The following SH3BP5 variants were observed in gnomAD, a reference collection of about 807,000 sequenced individuals.
SH3BP5 encodes the protein SH3 domain-binding protein 5.
Under a neutral mutation model 43.3 loss-of-function variants are expected in SH3BP5, and 22 were observed. That is an observed-to-expected ratio of 0.51 (90% confidence interval 0.36 to 0.73). The LOEUF (loss-of-function observed/expected upper bound fraction) is 0.73. Among genes scored for constraint, SH3BP5 ranks in the 30% least tolerant of loss-of-function variants. The probability of loss-of-function intolerance (pLI) is 0.00; values close to 1 mark genes in which losing one functional copy is unlikely to be tolerated. For missense variants in SH3BP5, 529 were observed against 586.9 expected (o/e 0.90, Z 1.02); for synonymous variants, 255 against 225.8 (o/e 1.13, Z -1.16).
At chr3:15,329,152 A>G (rs1379623523) in intron 2 of SH3BP5, among the ~76,000 whole-genome samples, 1 of 112,132 alleles carries the variant, frequency 8.9e-6, no homozygotes, top group African/African-American at 2.9e-5. Flanking sequence ...TCTGTCTCAA[A>G]AAAAAAAAAA....
At chr3:15,300,552 C>G (rs970271075) in intron 3 of SH3BP5, among the ~76,000 whole-genome samples, 2 of 152,042 alleles carry the variant, frequency 1.3e-5, no homozygotes, top group African/African-American at 4.8e-5. Context: ...TTGGCAGCAT[C>G]TGGAAGTGGA....
chr3:15,297,657 G>T (rs1025028930), intron 3 of SH3BP5, among the ~76,000 whole-genome samples: 2 of 152,082 alleles, frequency 1.3e-5, no homozygotes, highest in African/African-American at 4.8e-5. Context: ...GCTTGAAAAG[G>T]GCTCACCCTT....
At position 15,330,585 on chromosome 3, in the gene SH3BP5, AG is replaced by A; in HGVS notation, c.139-20del. The A allele has an allele frequency of 6.3e-7, 1 of 1,577,396 alleles. No homozygotes were observed. Among genetic ancestry groups the A allele is most frequent in the Non-Finnish European group, 8.6e-7 (1 of 1,161,116 alleles). ...GTTCTCCCTGGTGAAGAAAAGAGGG[AG>A]AAAAAAAGACTTAAGGGATCCGTCT... On this transcript the variant is annotated intron_variant, in intron 1 of 8. Transcript: ENST00000383791.
chr3:15,260,648 A>T (rs1279349267), intron 5 of SH3BP5: 1 of 152,212 alleles, frequency 6.6e-6, no homozygotes, highest in African/African-American at 2.4e-5. Flanking sequence ...TGTGACCAAA[A>T]GGAGCACAAG....
Position 15,332,454 on chromosome 3 carries a change from CG to C in SH3BP5, c.-47del. On this transcript the variant is annotated 5_prime_UTR_variant, in exon 1 of 9. Coordinates refer to ENST00000383791, the MANE Select transcript of SH3BP5 (RefSeq NM_004844.5). ...CCGCGCAGTGGGCTCCGGAGCGCCC[CG>C]GGGGTCGCGGCTGCCACAGGCTGGG... 6.8e-7 allele frequency: 1 copy of C among 1,467,032 alleles called. No individual in the cohort carries two copies. The highest frequency in any genetic ancestry group is 1.4e-5 in the South Asian group (1 of 73,740). 90.9% of individuals were successfully genotyped at this position (1,467,032 alleles called of 1,614,324 possible). A position where few individuals can be genotyped will look rare whatever the true frequency, so the allele number is the denominator to read the frequency against.
At chr3:15,283,568 G>A (rs187970797) in intron 3 of SH3BP5, among the ~76,000 whole-genome samples, 112 of 152,246 alleles carry the variant, frequency 7.4e-4, no homozygotes, top group African/African-American at 2.5e-3. Flanking sequence ...CCCAGCAATG[G>A]CCCCAATAGC....
At chr3:15,259,491 C>T (rs535808327) in intron 6 of SH3BP5, 23 of 574,328 alleles carry the variant, frequency 4.0e-5, no homozygotes, top group African/African-American at 3.8e-4. Flanking sequence ...ATCAGGTCTC[C>T]AGGTGATGCT....
chr3:15,316,950 G>A (rs748278497), intron 2 of SH3BP5, among the ~76,000 whole-genome samples: 3 of 152,222 alleles, frequency 2.0e-5, no homozygotes, highest in Admixed American at 6.5e-5. Context: ...CCAAACACAT[G>A]TTCTTAAATC....
intron 3 of SH3BP5, among the ~76,000 whole-genome samples, chr3:15,297,142 C>T (rs2125102603): frequency 6.6e-6 from 1 of 152,294 alleles, no homozygotes; most frequent in East Asian, 1.9e-4. Flanking sequence ...AAACACGATT[C>T]TCCATCCATT....
At chr3:15,304,335 G>T in intron 2 of SH3BP5, 104 bp from the exon 3 acceptor site, 1 of 1,548,976 alleles carries the variant, frequency 6.5e-7, no homozygotes, top group Non-Finnish European at 8.8e-7. Context: ...TTTACCCAAC[G>T]TACAGACCCC....
intron 2 of SH3BP5, among the ~76,000 whole-genome samples, chr3:15,329,355 T>C (rs962231923): frequency 6.6e-6 from 1 of 152,192 alleles, no homozygotes; most frequent in African/African-American, 2.4e-5. Context: ...AGGTTTCAGT[T>C]ACCCCACATC....
At chr3:15,284,893 C>A (rs1697223186) in intron 3 of SH3BP5, among the ~76,000 whole-genome samples, 1 of 152,242 alleles carries the variant, frequency 6.6e-6, no homozygotes, top group Non-Finnish European at 1.5e-5. Flanking sequence ...CCAGCACACA[C>A]TGGACGACCG....
In SH3BP5 at chr3:15,254,439, G is replaced by C. The variant is rs1029283182; in HGVS notation, c.*1647C>G. 6.6e-6 allele frequency: 1 copy of C among 152,200 alleles called. No individual in the cohort carries two copies. Among genetic ancestry groups the C allele is most frequent in the African/African-American group, 2.4e-5 (1 of 41,446 alleles). 9.4% of individuals were successfully genotyped at this position (152,200 alleles called of 1,614,324 possible). On this transcript the variant is annotated 3_prime_UTR_variant, in exon 9 of 9. Coordinates refer to ENST00000383791, the MANE Select transcript of SH3BP5 (RefSeq NM_004844.5). Reference sequence around the variant, plus strand: ...TTTCCACAAAAGAAAGAATCCATCTGATTCTCAACTCTGAATGCACATTTG... The same window carrying C: ...TTTCCACAAAAGAAAGAATCCATCTCATTCTCAACTCTGAATGCACATTTG...
intron 2 of SH3BP5, among the ~76,000 whole-genome samples, chr3:15,318,312 G>A (rs12638270): frequency 0.35 from 52,454 of 151,922 alleles, 9,406 homozygotes; most frequent in Non-Finnish European, 0.4. Flanking sequence ...GACACTTAAC[G>A]AACATCACCA....
intron 2 of SH3BP5, among the ~76,000 whole-genome samples, chr3:15,324,243 G>A (rs1698404578): frequency 6.6e-6 from 1 of 152,196 alleles, no homozygotes; most frequent in Non-Finnish European, 1.5e-5. Context: ...GGGGTCTGCA[G>A]GCCTCAACTC....
At chr3:15,290,693 C>A (rs1013594126) in intron 3 of SH3BP5, among the ~76,000 whole-genome samples, 1 of 151,836 alleles carries the variant, frequency 6.6e-6, no homozygotes, top group Non-Finnish European at 1.5e-5. Context: ...AGCAAGACTC[C>A]GTCTCAAAAA....
chr3:15,256,136 T>C lies in SH3BP5; in HGVS notation c.1318A>G (p.Lys440Glu), dbSNP rs1350566747. 6.2e-7 allele frequency: 1 copy of C among 1,614,236 alleles called. No homozygotes were observed. The highest frequency in any genetic ancestry group is 1.7e-5 in the Admixed American group (1 of 60,030). The change falls in exon 9 of 9, where the codon AAG becomes GAG. Residue 440 changes from lysine to glutamate, a missense_variant. Around this residue, in one of 3 missense-constraint regions of SH3BP5, gnomAD observed 369 missense variants for 384.3 expected, o/e 0.96. Coordinates refer to ENST00000383791, the MANE Select transcript of SH3BP5 (RefSeq NM_004844.5). ...RMKQLSLQCS[K>E]GRDGIIADIK... ...TCAGCAATAATTCCATCTCTTCCCT[T>C]TGAGCACTGTAGGGAGAGCTGCTTC...
At chr3:15,332,737 C>G (rs1297058906), upstream of SH3BP5, 11 of 866,428 alleles carry the variant, frequency 1.3e-5, no homozygotes, top group East Asian at 6.8e-4. Context: ...TCCAAGGTGG[C>G]AAAATAGGAC....
intron 1 of SH3BP5, chr3:15,331,663 A>G (rs1481664468): frequency 1.3e-5 from 2 of 152,260 alleles, no homozygotes; most frequent in Non-Finnish European, 2.9e-5. Flanking sequence ...CAACCTCACA[A>G]CAAGGAAAAG....
Sources: allele counts gnomAD v4.1 joint callset (sites outside exome capture counted in the v4.1 genomes callset), GRCh38; gene constraint gnomAD v4.1.1; regional missense constraint gnomAD v4.1.1; transcripts MANE v1.5; gene names NCBI Gene and HGNC (gene_info 2026-07-23, HGNC 2026-07-21).